RGS7: variants seen among roughly 807,000 people sequenced by gnomAD.
RGS7 encodes regulator of G-protein signaling 7.
Under a neutral mutation model 81.1 loss-of-function variants are expected in RGS7, and 27 were observed. The observed-to-expected ratio is 0.33, with a 90% CI of 0.25 to 0.46. RGS7 has a LOEUF of 0.46. RGS7 is among the 20% of genes least tolerant of loss of function. The pLI is 1.00. For missense variants in RGS7, 396 were observed against 607.4 expected (o/e 0.65, Z 3.66); for synonymous variants, 208 against 207.7 (o/e 1.00, Z -0.01).
At chr1:241,240,441 C>G (rs1286878762) in intron 2 of RGS7, among the ~76,000 whole-genome samples, 1 of 152,100 alleles carries the variant, frequency 6.6e-6, no homozygotes, top group Non-Finnish European at 1.5e-5. Flanking sequence ...AAAATGGCCA[C>G]AAATATTACA....
intron 2 of RGS7, among the ~76,000 whole-genome samples, chr1:241,155,577 G>GA (rs58091813): frequency 0.015 from 1,751 of 116,564 alleles, 14 homozygotes; most frequent in Middle Eastern, 0.032. Flanking sequence ...TTGAAAAAAA[G>GA]AAAAAAAAAA....
At chr1:241,336,661 G>A (rs56755570) in intron 2 of RGS7, among the ~76,000 whole-genome samples, 7,500 of 152,170 alleles carry the variant, frequency 0.049, 489 homozygotes, top group African/African-American at 0.15. Context: ...TCTTTCTTAG[G>A]ACTATATGAA....
At chr1:240,990,261 C>T (rs933767112) in intron 3 of RGS7, among the ~76,000 whole-genome samples, 3 of 151,940 alleles carry the variant, frequency 2.0e-5, no homozygotes, top group East Asian at 1.9e-4. Context: ...AGCTTCCTTC[C>T]AGTTTGTAAA....
At chr1:240,953,665 T>A (rs775662537) in intron 4 of RGS7, among the ~76,000 whole-genome samples, 36 of 151,910 alleles carry the variant, frequency 2.4e-4, no homozygotes, top group Non-Finnish European at 3.4e-4. Context: ...ATTAATAACC[T>A]AAGATTATAC....
chr1:241,031,826 T>C (rs541602966), intron 3 of RGS7, among the ~76,000 whole-genome samples: 7 of 148,328 alleles, frequency 4.7e-5, no homozygotes, highest in Non-Finnish European at 8.9e-5. Context: ...TGGGGTTATT[T>C]GTTTTCTTTG....
rs973939992 is a variant in RGS7 at position 240,866,677 on chromosome 1, C to T, written c.609+1910G>A. 4.6e-5 allele frequency among the ~76,000 whole-genome samples: 7 copies of T among 152,122 alleles called. No individual in the cohort carries two copies. The East Asian group carries it at 5.8e-4, about 13-fold the overall frequency. On this transcript the variant is annotated intron_variant, in intron 9 of 18. Coordinates refer to ENST00000440928, the MANE Select transcript of RGS7 (RefSeq NM_001364886.1). ...ATGTGCTCCTTGCTGGTGGGAGACACGAAAGACTAGCGCCCGACTTGCACT... is the reference window on the plus strand; with the variant it reads ...ATGTGCTCCTTGCTGGTGGGAGACATGAAAGACTAGCGCCCGACTTGCACT...
chr1:241,053,612 T>C (rs1343471084), intron 3 of RGS7, among the ~76,000 whole-genome samples: 1 of 152,242 alleles, frequency 6.6e-6, no homozygotes, highest in East Asian at 1.9e-4. Context: ...AGGTGCTCAC[T>C]ATTATCATCG....
chr1:240,877,552 C>G (rs1489889902), intron 6 of RGS7, among the ~76,000 whole-genome samples: 1 of 152,144 alleles, frequency 6.6e-6, no homozygotes, highest in Non-Finnish European at 1.5e-5. Flanking sequence ...TTGTGGCTAA[C>G]TTTTCATATC....
chr1:240,870,034 C>T, intron 7 of RGS7, 21 bp downstream of exon 7: 1 of 1,609,238 alleles, frequency 6.2e-7, no homozygotes, highest in Non-Finnish European at 8.5e-7. Flanking sequence ...CTATCTTTGC[C>T]AGAAGGTCCT....
intron 2 of RGS7, among the ~76,000 whole-genome samples, chr1:241,192,084 A>G (rs2072699761): frequency 1.3e-5 from 2 of 152,028 alleles, no homozygotes; most frequent in Non-Finnish European, 2.9e-5. Flanking sequence ...TTTGGCTGGA[A>G]TAGAAAGGTT....
At chr1:240,812,408 T>C (rs1344775464) in intron 13 of RGS7, among the ~76,000 whole-genome samples, 1 of 151,642 alleles carries the variant, frequency 6.6e-6, no homozygotes, top group Non-Finnish European at 1.5e-5. Flanking sequence ...GATCCAGATA[T>C]TCTGACCCCA....
intron 2 of RGS7, among the ~76,000 whole-genome samples, chr1:241,177,473 C>T (rs539083871): frequency 8.8e-4 from 134 of 152,000 alleles, no homozygotes; most frequent in African/African-American, 3.1e-3. Context: ...CATCTAGGGC[C>T]GTATTTATAA....
chr1:241,174,465 T>C (rs1275462154), intron 2 of RGS7, among the ~76,000 whole-genome samples: 3 of 152,236 alleles, frequency 2.0e-5, no homozygotes, highest in African/African-American at 7.2e-5. Flanking sequence ...GAGGAGGCAC[T>C]GATGCTGCTG....
At chr1:241,149,514 T>C (rs1228927932) in intron 2 of RGS7, among the ~76,000 whole-genome samples, 2 of 152,008 alleles carry the variant, frequency 1.3e-5, no homozygotes, top group South Asian at 2.1e-4. Context: ...CCACTCCCCC[T>C]CCCCTGTCCC....
chr1:241,253,933 A>G (rs2076940341), intron 2 of RGS7, among the ~76,000 whole-genome samples: 1 of 152,172 alleles, frequency 6.6e-6, no homozygotes, highest in Non-Finnish European at 1.5e-5. Context: ...GAAGAAATTG[A>G]GGAGGAGAGC....
At chr1:241,029,362 T>C (rs1359908892) in intron 3 of RGS7, among the ~76,000 whole-genome samples, 2 of 152,172 alleles carry the variant, frequency 1.3e-5, no homozygotes, top group African/African-American at 4.8e-5. Flanking sequence ...ATTTTAAACA[T>C]AACCCCTCGA....
intron 3 of RGS7, among the ~76,000 whole-genome samples, chr1:241,030,342 T>C (rs1271966514): frequency 9.8e-6 from 1 of 101,908 alleles, no homozygotes; most frequent in Non-Finnish European, 2.3e-5. Flanking sequence ...AGTTGCTTTG[T>C]TTTTTCCAGA....
intron 3 of RGS7, among the ~76,000 whole-genome samples, chr1:240,985,266 C>T (rs1224562462): frequency 6.6e-6 from 1 of 152,200 alleles, no homozygotes. Context: ...CAGAGTTGAG[C>T]ATCTATTTGT....
At chr1:240,797,579 TG>T (rs1687286572) in intron 18 of RGS7, among the ~76,000 whole-genome samples, 1 of 152,168 alleles carries the variant, frequency 6.6e-6, no homozygotes, top group South Asian at 2.1e-4. Flanking sequence ...CTTGAACTCC[TG>T]ACCTCAGGTG....
Sources: gnomAD v4.1 joint callset for allele counts (sites outside exome capture counted in the v4.1 genomes callset) on GRCh38, gnomAD v4.1.1 for gene constraint, MANE v1.5 for transcripts, NCBI Gene and HGNC (gene_info 2026-07-23, HGNC 2026-07-21) for gene names.